The following SYP variants were observed in gnomAD, a reference collection of about 807,000 sequenced individuals.
SYP encodes the protein major synaptic vesicle protein P38.
Under a neutral mutation model 24.3 loss-of-function variants are expected in SYP, and 2 were observed. The observed-to-expected ratio is 0.08, with a 90% CI of 0.03 to 0.26. The LOEUF is 0.26. SYP is among the 10% of genes least tolerant of loss of function. The probability of loss-of-function intolerance (pLI) is 1.00; values close to 1 mark genes in which losing one functional copy is unlikely to be tolerated. For synonymous variants in SYP, 143 were observed against 123.2 expected (o/e 1.16, Z -1.07); for missense variants, 216 against 266.3 (o/e 0.81, Z 1.32).
chrX:49,194,070 G>T, intron 4 of SYP, 96 bp downstream of exon 4: 1 of 1,019,702 alleles, frequency 9.8e-7, no homozygotes, highest in Non-Finnish European at 1.4e-6. Context: ...TTGCATGTGG[G>T]CCTGTCTGGG....
chrX:49,196,449 C>T (rs2065528530), intron 3 of SYP, among the ~76,000 whole-genome samples: 2 of 112,160 alleles, frequency 1.8e-5, no homozygotes, highest in South Asian at 7.4e-4. Flanking sequence ...AACCCCTGTC[C>T]TCTTTCCTGA....
At position 49,197,833 on chromosome X, in the gene SYP, C is replaced by T. The variant is rs781903947; in HGVS notation, c.109G>A (p.Ala37Thr). The change falls in exon 3 of 7, where the codon GCC becomes ACC. Residue 37 changes from alanine to threonine, a missense_variant. Physicochemically the swap from Ala to Thr is moderately conservative, Grantham distance 58. This residue lies in a region of SYP where 102 missense variants were observed against 158.4 expected (regional missense o/e 0.64). Transcript: ENST00000263233. ...CCGCATGTGGCAAAGGCGAAGATGG[C>T]GAAGACCTTGGGCAGCAGGGATGGG... ...GFVKVLQWVF[A>T]IFAFATCGSY... The T allele has an allele frequency of 1.1e-5, 13 of 1,208,354 alleles. No homozygotes were observed. The highest frequency in any genetic ancestry group is 1.7e-5 in the African/African-American group (1 of 57,379).
At chrX:49,195,690 T>A (rs1295393342) in intron 3 of SYP, among the ~76,000 whole-genome samples, 1 of 110,887 alleles carries the variant, frequency 9.0e-6, no homozygotes, top group Non-Finnish European at 1.9e-5. Flanking sequence ...CAGTCTCAGA[T>A]TGGAGGCCAG....
intron 3 of SYP, 119 bp downstream of exon 3, chrX:49,197,596 A>C: frequency 9.7e-7 from 1 of 1,027,379 alleles, no homozygotes; most frequent in African/African-American, 1.9e-5. Context: ...CAGTGATCCC[A>C]GTGGATGTAG....
chrX:49,199,151 G>T, intron 1 of SYP, 118 bp from the exon 2 acceptor site: 1 of 705,726 alleles, frequency 1.4e-6, no homozygotes, highest in Non-Finnish European at 2.2e-6. Flanking sequence ...GAGAGGGTGA[G>T]AAGGAGAAAG....
intron 5 of SYP, among the ~76,000 whole-genome samples, chrX:49,192,367 A>C (rs782767730): frequency 9.0e-6 from 1 of 111,609 alleles, no homozygotes; most frequent in South Asian, 3.7e-4. Flanking sequence ...CTAATTTTGT[A>C]TTTTTAGTAG....
chrX:49,199,871 A>G (rs1203287376), intron 1 of SYP, among the ~76,000 whole-genome samples: 1 of 100,722 alleles, frequency 9.9e-6, no homozygotes, highest in Non-Finnish European at 2.0e-5. Flanking sequence ...TCCAGCCCCC[A>G]GGCCCCTATT....
intron 3 of SYP, 71 bp from the exon 4 acceptor site, chrX:49,194,432 T>TC (rs1266233906): frequency 1.8e-5 from 19 of 1,046,456 alleles, no homozygotes; most frequent in Non-Finnish European, 2.5e-5. Context: ...CAATCATGGG[T>TC]CCCCCCATTT....
intron 3 of SYP, among the ~76,000 whole-genome samples, chrX:49,195,327 G>A (rs2065525136): frequency 1.8e-5 from 2 of 110,644 alleles, no homozygotes; most frequent in African/African-American, 6.6e-5. Flanking sequence ...GTACAGAGGC[G>A]GAAACAGAGG....
intron 6 of SYP, among the ~76,000 whole-genome samples, chrX:49,190,266 G>A (rs1378712649): frequency 3.8e-5 from 4 of 104,337 alleles, no homozygotes; most frequent in Non-Finnish European, 5.9e-5. Context: ...TGGAACCTCC[G>A]CCTCCCAGAT....
At position 49,198,054 on chromosome X, in the gene SYP, C is replaced by T. The variant is rs1462299629; in HGVS notation, c.103-215G>A. On this transcript the variant is annotated intron_variant, in intron 2 of 6. Coordinates refer to ENST00000263233, the MANE Select transcript of SYP (RefSeq NM_003179.3). ...TTTCTCTCTCTGTGTCTCTCTCTGTCTCTGCCTTTCCATGCTGACCTCCCT... is the reference window on the plus strand; with the variant it reads ...TTTCTCTCTCTGTGTCTCTCTCTGTTTCTGCCTTTCCATGCTGACCTCCCT... 8 of 447,509 alleles carry T rather than the reference C, an allele frequency of 1.8e-5. No homozygotes were observed. In the South Asian group the frequency reaches 2.1e-4, roughly 11 times the overall value. The allele number at this position is 447,509 out of a possible 1,213,427, so 36.9% of individuals were successfully genotyped here.
chrX:49,191,109 C>A lies in SYP; in HGVS notation c.*4+324G>T, dbSNP rs782014677. 2.3e-5 allele frequency: 8 copies of A among 350,533 alleles called. No homozygotes were observed. In the South Asian group the frequency reaches 2.6e-4, roughly 11 times the overall value. 28.9% of individuals were successfully genotyped at this position (350,533 alleles called of 1,213,427 possible). A position where few individuals can be genotyped will look rare whatever the true frequency, so the allele number is the denominator to read the frequency against. On this transcript the variant is annotated intron_variant, in intron 6 of 6. Transcript: ENST00000263233. ...CTTGCGCTCCGCTGATTCGCCACTG[C>A]GCAAGTCCCCCGATATTCCCTCCCT...
At chrX:49,192,204 T>C (rs909847187) in intron 5 of SYP, among the ~76,000 whole-genome samples, 2 of 112,497 alleles carry the variant, frequency 1.8e-5, no homozygotes, top group East Asian at 5.6e-4. Context: ...TTGCATAATT[T>C]TTTTTTTGAG....
intron 5 of SYP, among the ~76,000 whole-genome samples, chrX:49,192,503 A>G (rs1466350925): frequency 8.9e-6 from 1 of 112,729 alleles, no homozygotes; most frequent in Admixed American, 9.4e-5. Context: ...ACATAAAGTA[A>G]TTTTAAGACA....
In SYP at chrX:49,196,416, C is replaced by T. The variant is rs147592358; in HGVS notation, c.227+1299G>A. ...TGAGCCTACATTTACCCTCAGTACT[C>T]GAAGACCCCCAGTTTCCAACTCAAC... is the stretch of plus-strand genomic sequence containing the variant. On this transcript the variant is annotated intron_variant, in intron 3 of 6. Coordinates refer to ENST00000263233, the MANE Select transcript of SYP (RefSeq NM_003179.3). Among the ~76,000 whole-genome samples the T allele has an allele frequency of 3.0e-3, 330 of 111,591 alleles. 5 individuals are homozygous for T. Among genetic ancestry groups the T allele is most frequent in the Middle Eastern group, 0.014 (3 of 219 alleles).
intron 2 of SYP, 116 bp from the exon 3 acceptor site, chrX:49,197,955 C>T: frequency 1.0e-6 from 1 of 976,948 alleles, no homozygotes; most frequent in Non-Finnish European, 1.4e-6. Context: ...GAGCAGTCCC[C>T]ACCCCCACCC....
chrX:49,188,496 C>T lies in SYP; in HGVS notation c.*791G>A. 9.0e-6 allele frequency: 1 copy of T among 111,057 alleles called. No individual in the cohort carries two copies. Among genetic ancestry groups the T allele is most frequent in the East Asian group, 2.8e-4 (1 of 3,521 alleles). 9.2% of individuals were successfully genotyped at this position (111,057 alleles called of 1,213,427 possible). ...CTTCTTGCCTTGCTCAAGATCTGTC[C>T]CCTTTAGAATCAAGCTCAGTCTCCC... On this transcript the variant is annotated 3_prime_UTR_variant, in exon 7 of 7. Transcript: ENST00000263233.
At chrX:49,195,431 T>G (rs2065525483) in intron 3 of SYP, among the ~76,000 whole-genome samples, 1 of 110,935 alleles carries the variant, frequency 9.0e-6, no homozygotes, top group South Asian at 3.9e-4. Context: ...TATCTCATGT[T>G]GACTTTTCTC....
rs1448764655 is a variant in SYP, at chrX:49,188,224, T to C, written c.*1063A>G. On this transcript the variant is annotated 3_prime_UTR_variant, in exon 7 of 7. Coordinates refer to ENST00000263233, the MANE Select transcript of SYP (RefSeq NM_003179.3). ...ATCCCACGCCTCACCCTACAAGCCATATCACTCGACTCTTCTCAGGCCACT... is the reference window on the plus strand; with the variant it reads ...ATCCCACGCCTCACCCTACAAGCCACATCACTCGACTCTTCTCAGGCCACT... The C allele has an allele frequency of 9.0e-6, 1 of 111,145 alleles. No homozygotes were observed. Among genetic ancestry groups the C allele is most frequent in the Non-Finnish European group, 1.9e-5 (1 of 52,849 alleles). 9.2% of individuals were successfully genotyped at this position (111,145 alleles called of 1,213,427 possible).
Sources: allele counts gnomAD v4.1 joint callset (sites outside exome capture counted in the v4.1 genomes callset), GRCh38; gene constraint gnomAD v4.1.1; regional missense constraint gnomAD v4.1.1; transcripts MANE v1.5; gene names NCBI Gene and HGNC (gene_info 2026-07-23, HGNC 2026-07-21).